Variants in SLMAP observed in about 807,000 individuals in gnomAD.
SLMAP encodes the protein sarcolemmal membrane-associated protein.
Under a neutral mutation model 128.8 loss-of-function variants are expected in SLMAP, and 44 were observed. The ratio of observed to expected loss-of-function variants is 0.34; its 90% confidence interval spans 0.27 to 0.44. The LOEUF is 0.44. Among genes scored for constraint, SLMAP ranks in the 20% least tolerant of loss-of-function variants. The pLI is 1.00. For synonymous variants in SLMAP, 327 were observed against 348.8 expected (o/e 0.94, Z 0.70); for missense variants, 787 against 985.3 (o/e 0.80, Z 2.69).
intron 15 of SLMAP, chr3:57,896,147 A>T (rs2096241254): frequency 1.1e-5 from 8 of 733,718 alleles, no homozygotes; most frequent in Non-Finnish European, 1.3e-5. Context: ...CTTCTCCTTT[A>T]ATCATCTTTA....
chr3:57,880,388 G>A lies in SLMAP; in HGVS notation c.1300+8690G>A, dbSNP rs2095706594. Among the ~76,000 whole-genome samples, 4 of 152,090 alleles carry A rather than the reference G, an allele frequency of 2.6e-5. No individual in the cohort carries two copies. In the South Asian group the frequency reaches 6.2e-4, roughly 24 times the overall value. ...AGCTAACTTTTGTATTTTTGGTAGAGATGGGGGTTTCATCATTTTGGCCGG... is the reference window on the plus strand; with the variant it reads ...AGCTAACTTTTGTATTTTTGGTAGAAATGGGGGTTTCATCATTTTGGCCGG... On this transcript the variant is annotated intron_variant, in intron 14 of 24. Transcript: ENST00000671191.
At chr3:57,834,656 C>T (rs1357741087) in intron 3 of SLMAP, among the ~76,000 whole-genome samples, 1 of 151,986 alleles carries the variant, frequency 6.6e-6, no homozygotes, top group Non-Finnish European at 1.5e-5. Flanking sequence ...TTTTAAAAAA[C>T]AGATAAACCC....
In SLMAP at chr3:57,836,390, ATGTG is replaced by A. The variant is rs2093642999; in HGVS notation, c.346+4866_346+4869del. On this transcript the variant is annotated intron_variant, in intron 3 of 24. Coordinates refer to ENST00000671191, the MANE Select transcript of SLMAP (RefSeq NM_001377540.1). ...GAATATATATAATATGTAAGATTGT[ATGTG>A]TGTGTATCAGGATTTTGTTAAAAAG... is the stretch of plus-strand genomic sequence containing the variant. Among the ~76,000 whole-genome samples the A allele has an allele frequency of 2.6e-5, 4 of 152,364 alleles. No individual in the cohort carries two copies. In the South Asian group the frequency reaches 8.3e-4, roughly 32 times the overall value.
intron 14 of SLMAP, among the ~76,000 whole-genome samples, chr3:57,886,834 C>T (rs913562044): frequency 6.6e-6 from 1 of 151,674 alleles, no homozygotes; most frequent in South Asian, 2.1e-4. Context: ...CACAGAATGT[C>T]ATGTGTTATA....
At chr3:57,925,809 G>A in intron 23 of SLMAP, 36 bp from the exon 24 acceptor site, 1 of 1,433,896 alleles carries the variant, frequency 7.0e-7, no homozygotes, top group Non-Finnish European at 9.6e-7. Flanking sequence ...TACTTTCATA[G>A]CATAAAATGA....
intron 2 of SLMAP, among the ~76,000 whole-genome samples, chr3:57,785,646 A>G (rs2083931750): frequency 6.6e-6 from 1 of 152,212 alleles, no homozygotes; most frequent in Non-Finnish European, 1.5e-5. Context: ...TGAATTTTAC[A>G]TTATGTGAAC....
rs141727742 is a variant in SLMAP at position 57,912,384 on chromosome 3, A to G, written c.1703A>G (p.Gln568Arg). ...AATGATGGATATACTTTTGCAGCCC[A>G]ATTGCAGAGGTTACACATCGATACT... is the stretch of plus-strand genomic sequence containing the variant. ...STKQIQVLQA[Q>R]LQRLHIDTEN... The change falls in exon 20 of 25, where the codon CAA becomes CGA. Residue 568 changes from glutamine (Q) to arginine (R), a missense_variant. Coordinates refer to ENST00000671191, the MANE Select transcript of SLMAP (RefSeq NM_001377540.1). The G allele has an allele frequency of 1.0e-4, 161 of 1,605,464 alleles. No individual in the cohort carries two copies. The highest frequency in any genetic ancestry group is 3.5e-4 in the Admixed American group (21 of 59,888).
chr3:57,804,048 A>G (rs912592452), intron 2 of SLMAP, among the ~76,000 whole-genome samples: 1 of 152,188 alleles, frequency 6.6e-6, no homozygotes, highest in African/African-American at 2.4e-5. Flanking sequence ...TTAGTATAGC[A>G]TAGTACAGTC....
chr3:57,782,236 A>G (rs756644587), intron 2 of SLMAP, among the ~76,000 whole-genome samples: 21 of 152,150 alleles, frequency 1.4e-4, no homozygotes, highest in African/African-American at 1.9e-4. Context: ...AAATTCCCCA[A>G]ATCTTTCCAG....
chr3:57,843,775 C>CTTTTTTTTTTTT lies in SLMAP; in HGVS notation c.419+2415_419+2426dup, dbSNP rs775541858. Among the ~76,000 whole-genome samples the CTTTTTTTTTTTT allele has an allele frequency of 9.5e-4, 73 of 77,130 alleles. 1 individual carries two copies. The highest frequency in any genetic ancestry group is 1.8e-3 in the East Asian group (4 of 2,180). The allele number at this position is 77,130 out of a possible 152,430, so 50.6% of individuals were successfully genotyped here. ...TTCTCTCTCTTTCTTTCTTTTCTTT[C>CTTTTTTTTTTTT]TTTTTTTTTTTTTTTTTTTTTTGAG... On this transcript the variant is annotated intron_variant, in intron 4 of 24. Coordinates refer to ENST00000671191, the MANE Select transcript of SLMAP (RefSeq NM_001377540.1).
rs577956796 is a variant in SLMAP at position 57,758,422 on chromosome 3, C to A, written c.198+573C>A. Among the ~76,000 whole-genome samples the A allele has an allele frequency of 2.0e-5, 3 of 152,268 alleles. No homozygotes were observed. The East Asian group carries it at 5.8e-4, about 29-fold the overall frequency. Reference sequence around the variant, plus strand: ...CAAAGCTAATTTAATTAAGCATGAACAACTGTAACTTTATATATTTTCAGA... The same window carrying A: ...CAAAGCTAATTTAATTAAGCATGAAAAACTGTAACTTTATATATTTTCAGA... On this transcript the variant is annotated intron_variant, in intron 2 of 24. Coordinates refer to ENST00000671191, the MANE Select transcript of SLMAP (RefSeq NM_001377540.1).
At chr3:57,825,265 TACAGTGTTGA>T (rs1188632061) in intron 2 of SLMAP, among the ~76,000 whole-genome samples, 1 of 151,926 alleles carries the variant, frequency 6.6e-6, no homozygotes, top group Non-Finnish European at 1.5e-5. Flanking sequence ...AAACTTCTAG[TACAGTGTTGA>T]ACAGCAGTGG....
chr3:57,852,245 A>G (rs1354760204), intron 6 of SLMAP, among the ~76,000 whole-genome samples: 1 of 152,214 alleles, frequency 6.6e-6, no homozygotes, highest in Non-Finnish European at 1.5e-5. Context: ...ATCAGTGAGA[A>G]CAGTTTCATC....
At chr3:57,873,578 C>A (rs1416939399) in intron 14 of SLMAP, among the ~76,000 whole-genome samples, 5 of 152,094 alleles carry the variant, frequency 3.3e-5, no homozygotes, top group Non-Finnish European at 5.9e-5. Flanking sequence ...CTTTTTGTTA[C>A]CTTCTGATTA....
chr3:57,860,875 A>T, intron 9 of SLMAP, 36 bp downstream of exon 9: 1 of 1,487,984 alleles, frequency 6.7e-7, no homozygotes, highest in Non-Finnish European at 9.1e-7. Flanking sequence ...AAATAGTATT[A>T]TGAGTGTTCA....
chr3:57,882,130 A>T (rs1402227371), intron 14 of SLMAP, among the ~76,000 whole-genome samples: 1 of 152,056 alleles, frequency 6.6e-6, no homozygotes, highest in Non-Finnish European at 1.5e-5. Context: ...CACTCAAATA[A>T]TTTTTTCTTT....
intron 2 of SLMAP, among the ~76,000 whole-genome samples, chr3:57,812,489 TGTA>T (rs1294203064): frequency 6.6e-6 from 1 of 152,236 alleles, no homozygotes; most frequent in African/African-American, 2.4e-5. Flanking sequence ...AGTGTAGCTT[TGTA>T]GTAGGAATCA....
chr3:57,921,446 G>A (rs145690078), intron 22 of SLMAP, among the ~76,000 whole-genome samples: 1,921 of 152,084 alleles, frequency 0.013, 28 homozygotes, highest in African/African-American at 0.044. Flanking sequence ...GGCCAACATG[G>A]TGAAACTCCA....
At chr3:57,905,384 C>A (rs1215319326) in intron 17 of SLMAP, among the ~76,000 whole-genome samples, 2 of 151,974 alleles carry the variant, frequency 1.3e-5, no homozygotes, top group South Asian at 2.1e-4. Flanking sequence ...TGGGTTCAAG[C>A]GATTCTCCTG....
Sources: allele counts gnomAD v4.1 joint callset (sites outside exome capture counted in the v4.1 genomes callset), GRCh38; gene constraint gnomAD v4.1.1; transcripts MANE v1.5; gene names NCBI Gene and HGNC (gene_info 2026-07-23, HGNC 2026-07-21).